The following GRIK4 variants were observed in gnomAD, a reference collection of about 807,000 sequenced individuals.
GRIK4 encodes glutamate receptor ionotropic, kainate 4.
GRIK4 carries 40 observed loss-of-function variants against 104.9 expected under a neutral mutation model. The ratio of observed to expected loss-of-function variants is 0.38; its 90% CI spans 0.30 to 0.50. The LOEUF (loss-of-function observed/expected upper bound fraction) is 0.50, where lower values mean the gene tolerates loss of function less well. GRIK4 is among the 20% of genes least tolerant of loss of function. The probability of loss-of-function intolerance (pLI) is 0.93; values close to 1 mark genes in which losing one functional copy is unlikely to be tolerated. For missense variants in GRIK4, 1,047 were observed against 1,308.1 expected, an observed-to-expected ratio of 0.80 and a Z score of 3.08; for synonymous variants, 485 against 524.9, an observed-to-expected ratio of 0.92 and a Z score of 1.04.
intron 3 of GRIK4, among the ~76,000 whole-genome samples, chr11:120,759,613 A>G (rs960751633): frequency 6.6e-6 from 1 of 151,644 alleles, no homozygotes; most frequent in Non-Finnish European, 1.5e-5. Flanking sequence ...TGAACTGATT[A>G]TTGTCATGGG....
chr11:120,913,255 G>A (rs1338194756), intron 13 of GRIK4, among the ~76,000 whole-genome samples: 1 of 152,084 alleles, frequency 6.6e-6, no homozygotes, highest in Admixed American at 6.5e-5. Flanking sequence ...TCTCCCTGCA[G>A]CCACAATTGG....
intron 18 of GRIK4, 141 bp downstream of exon 18, chr11:120,962,822 A>G (rs973255320): frequency 2.4e-5 from 11 of 460,964 alleles, no homozygotes; most frequent in South Asian, 1.0e-4. Context: ...GGCATTCTAA[A>G]GTTTTTTTTT....
chr11:120,932,504 G>C lies in GRIK4; in HGVS notation c.1477-7843G>C, dbSNP rs371820208. ...AGCCAGGCTTGCTAGGCACAGAGCTGCTTCCTATCTGTGTGTTTACAGATA... is the reference window on the plus strand; with the variant it reads ...AGCCAGGCTTGCTAGGCACAGAGCTCCTTCCTATCTGTGTGTTTACAGATA... On this transcript the variant is annotated intron_variant, in intron 13 of 20. Transcript: ENST00000527524. 5.3e-5 allele frequency among the ~76,000 whole-genome samples: 8 copies of C among 152,182 alleles called. No individual in the cohort carries two copies. In the South Asian group the frequency reaches 1.5e-3, roughly 28 times the overall value.
chr11:120,806,792 C>T (rs1376107222), intron 4 of GRIK4, among the ~76,000 whole-genome samples: 2 of 152,138 alleles, frequency 1.3e-5, no homozygotes, highest in African/African-American at 2.4e-5. Flanking sequence ...AAGAAGCTAA[C>T]GATGCTGGAA....
At chr11:120,571,784 G>C (rs977066670) in intron 1 of GRIK4, among the ~76,000 whole-genome samples, 54 of 152,142 alleles carry the variant, frequency 3.5e-4, no homozygotes, top group African/African-American at 1.3e-3. Context: ...TGGGTTGCCA[G>C]GACAGAAGCC....
At chr11:120,644,912 C>CAAAAAAGAA (rs1949521405) in intron 1 of GRIK4, among the ~76,000 whole-genome samples, 2 of 151,528 alleles carry the variant, frequency 1.3e-5, no homozygotes. Flanking sequence ...AAAAAGAGGA[C>CAAAAAAGAA]AAAAAAGAAA....
chr11:120,957,023 G>A (rs1164203387), intron 16 of GRIK4, 70 bp downstream of exon 16: 9 of 1,337,038 alleles, frequency 6.7e-6, no homozygotes, highest in African/African-American at 1.5e-5. Flanking sequence ...CTGATAAGCC[G>A]GCTCTAGCTT....
At chr11:120,916,019 G>A (rs113208476) in intron 13 of GRIK4, among the ~76,000 whole-genome samples, 450 of 152,324 alleles carry the variant, frequency 3.0e-3, no homozygotes, top group African/African-American at 9.7e-3. Context: ...GGGTGGCATC[G>A]TCTTGTTCTC....
Position 120,658,787 on chromosome 11 carries a change from C to T in GRIK4, c.-50-1482C>T, listed in dbSNP as rs561827836. On this transcript the variant is annotated intron_variant, in intron 2 of 20. Coordinates refer to ENST00000527524, the MANE Select transcript of GRIK4 (RefSeq NM_014619.5). The stretch of plus-strand genomic sequence containing the variant: ...TTTTTGAGACGGAGTCTCGCTCTGT[C>T]CCCCAGGCTGCAGTGCAGTGGCACG... Among the ~76,000 whole-genome samples the T allele has an allele frequency of 3.4e-4, 44 of 130,340 alleles. No homozygotes were observed. The East Asian group carries it at 9.9e-3, about 29-fold the overall frequency. The allele number at this position is 130,340 out of a possible 152,430, so 85.5% of individuals were successfully genotyped here. A position where few individuals can be genotyped will look rare whatever the true frequency, so the allele number is the denominator to read the frequency against.
chr11:120,543,048 A>T (rs1591684249), intron 1 of GRIK4, among the ~76,000 whole-genome samples: 1 of 152,234 alleles, frequency 6.6e-6, no homozygotes, highest in East Asian at 1.9e-4. Flanking sequence ...TGAAAGCCTC[A>T]TAGCTGGTAC....
At chr11:120,579,234 C>G (rs982735840) in intron 1 of GRIK4, among the ~76,000 whole-genome samples, 2 of 151,938 alleles carry the variant, frequency 1.3e-5, no homozygotes, top group African/African-American at 4.8e-5. Flanking sequence ...AACCCCCCCC[C>G]CTTTTTTTGG....
At chr11:120,585,337 C>T (rs1334538622) in intron 1 of GRIK4, among the ~76,000 whole-genome samples, 3 of 143,142 alleles carry the variant, frequency 2.1e-5, no homozygotes, top group African/African-American at 7.5e-5. Flanking sequence ...CTCTCCCTCT[C>T]TCTCTCTTTT....
Position 120,650,674 on chromosome 11 carries a change from G to A in GRIK4, c.-158-3011G>A, listed in dbSNP as rs1433081592. The stretch of plus-strand genomic sequence containing the variant: ...GTCCCAGACTGTAAGCTCTATGAAG[G>A]CAGGGACTGTATATATCCCAGGGCC... On this transcript the variant is annotated intron_variant, in intron 1 of 20. Transcript: ENST00000527524. Among the ~76,000 whole-genome samples, 3 of 152,298 alleles carry A rather than the reference G, an allele frequency of 2.0e-5. No individual in the cohort carries two copies. In the East Asian group the frequency reaches 5.8e-4, roughly 29 times the overall value.
At chr11:120,664,922 T>C (rs1227439144) in intron 3 of GRIK4, among the ~76,000 whole-genome samples, 1 of 152,150 alleles carries the variant, frequency 6.6e-6, no homozygotes, top group African/African-American at 2.4e-5. Context: ...GAATCTCTCT[T>C]GTTTAAGGTT....
At chr11:120,548,146 A>G (rs1451739671) in intron 1 of GRIK4, among the ~76,000 whole-genome samples, 3 of 152,148 alleles carry the variant, frequency 2.0e-5, no homozygotes, top group Non-Finnish European at 2.9e-5. Context: ...CTGGACTCTG[A>G]GGCCCACGCT....
chr11:120,707,145 C>T (rs989228485), intron 3 of GRIK4, among the ~76,000 whole-genome samples: 8 of 152,236 alleles, frequency 5.3e-5, no homozygotes, highest in Admixed American at 3.3e-4. Context: ...TGGCCATTTA[C>T]AGAGGCCTGG....
chr11:120,774,110 C>T (rs1330932775), intron 3 of GRIK4, among the ~76,000 whole-genome samples: 1 of 152,214 alleles, frequency 6.6e-6, no homozygotes. Flanking sequence ...CCAGACAGAG[C>T]TGATCACAGC....
intron 5 of GRIK4, among the ~76,000 whole-genome samples, chr11:120,817,663 A>G (rs1952995867): frequency 1.3e-5 from 2 of 152,096 alleles, no homozygotes; most frequent in South Asian, 4.1e-4. Flanking sequence ...TACATTTGCA[A>G]TTGCACATTG....
chr11:120,827,805 A>G (rs1017791255), intron 6 of GRIK4, among the ~76,000 whole-genome samples: 13 of 152,208 alleles, frequency 8.5e-5, no homozygotes, highest in Non-Finnish European at 1.0e-4. Flanking sequence ...AATTCCCTCT[A>G]TAGTGATCCT....
Sources: allele counts gnomAD v4.1 joint callset (sites outside exome capture counted in the v4.1 genomes callset), GRCh38; gene constraint gnomAD v4.1.1; transcripts MANE v1.5; gene names NCBI Gene and HGNC (gene_info 2026-07-23, HGNC 2026-07-21).